GALNT17: variants seen among roughly 807,000 people sequenced by gnomAD.
GALNT17 encodes UDP-GalNAc:polypeptide N-acetylgalactosaminyltransferase-like 3.
A neutral mutation model predicts 63.7 loss-of-function variants in GALNT17; 29 were observed. The observed-to-expected ratio is 0.46, with a 90% confidence interval of 0.34 to 0.62. The LOEUF is 0.62. Among genes scored for constraint, GALNT17 ranks in the 20% least tolerant of loss-of-function variants. GALNT17 has a pLI of 0.01. For missense variants in GALNT17, 603 were observed against 799.6 expected, an observed-to-expected ratio of 0.75 and a Z score of 2.97; for synonymous variants, 305 against 318.3, an observed-to-expected ratio of 0.96 and a Z score of 0.45.
intron 5 of GALNT17, among the ~76,000 whole-genome samples, chr7:71,445,582 A>C (rs1787147750): frequency 6.6e-6 from 1 of 152,166 alleles, no homozygotes; most frequent in African/African-American, 2.4e-5. Flanking sequence ...CTGGTTCCAG[A>C]CAACTAGGTA....
chr7:71,358,529 G>A (rs1792334942), intron 2 of GALNT17, among the ~76,000 whole-genome samples: 1 of 152,202 alleles, frequency 6.6e-6, no homozygotes, highest in South Asian at 2.1e-4. Context: ...ACTCTTAGCA[G>A]CAGCTTCCCA....
At chr7:71,159,804 T>C (rs914570920) in intron 1 of GALNT17, among the ~76,000 whole-genome samples, 2 of 151,048 alleles carry the variant, frequency 1.3e-5, no homozygotes, top group East Asian at 1.9e-4. Flanking sequence ...TTTTTTGAGA[T>C]GGAGTCTCAC....
chr7:71,356,098 C>G (rs911365762), intron 2 of GALNT17, among the ~76,000 whole-genome samples: 5 of 152,106 alleles, frequency 3.3e-5, no homozygotes, highest in Admixed American at 2.6e-4. Flanking sequence ...CTGCCTCAGC[C>G]TCTGAGTAGC....
intron 1 of GALNT17, among the ~76,000 whole-genome samples, chr7:71,199,627 C>T (rs1789126635): frequency 1.4e-5 from 2 of 144,244 alleles, no homozygotes; most frequent in South Asian, 2.3e-4. Flanking sequence ...CGCCCACCCA[C>T]TCACCCCATC....
At chr7:71,389,743 T>C (rs973769832) in intron 3 of GALNT17, among the ~76,000 whole-genome samples, 3 of 152,080 alleles carry the variant, frequency 2.0e-5, no homozygotes, top group African/African-American at 7.2e-5. Flanking sequence ...AATAAAAAAT[T>C]CCATCCCGTG....
At chr7:71,569,205 T>G (rs903404655) in intron 5 of GALNT17, among the ~76,000 whole-genome samples, 2 of 152,100 alleles carry the variant, frequency 1.3e-5, no homozygotes, top group African/African-American at 4.8e-5. Context: ...CTCCTGACCT[T>G]GTGATCCCCC....
intron 9 of GALNT17, among the ~76,000 whole-genome samples, chr7:71,689,903 T>G (rs919871415): frequency 2.6e-5 from 4 of 152,198 alleles, no homozygotes; most frequent in African/African-American, 9.6e-5. Context: ...ATTTACCATT[T>G]TGAAGATCCT....
At chr7:71,245,669 G>A (rs910609761) in intron 1 of GALNT17, among the ~76,000 whole-genome samples, 1 of 152,116 alleles carries the variant, frequency 6.6e-6, no homozygotes, top group Non-Finnish European at 1.5e-5. Context: ...TCTCTTTAAT[G>A]GGCAAAGGCT....
intron 2 of GALNT17, among the ~76,000 whole-genome samples, chr7:71,371,842 C>T (rs888208985): frequency 6.6e-6 from 1 of 152,214 alleles, no homozygotes; most frequent in African/African-American, 2.4e-5. Context: ...GAATGATTCT[C>T]TCCTTGCTTT....
chr7:71,204,418 TC>T (rs1422936362), intron 1 of GALNT17, among the ~76,000 whole-genome samples: 1 of 152,208 alleles, frequency 6.6e-6, no homozygotes, highest in Non-Finnish European at 1.5e-5. Flanking sequence ...GATCAATTTT[TC>T]TTTTATTTTT....
chr7:71,484,708 A>T (rs931109381), intron 5 of GALNT17, among the ~76,000 whole-genome samples: 3 of 150,490 alleles, frequency 2.0e-5, no homozygotes, highest in African/African-American at 7.4e-5. Flanking sequence ...AAACTTCATT[A>T]TGTGGTGCAT....
At chr7:71,320,213 C>T (rs1482916087) in intron 1 of GALNT17, among the ~76,000 whole-genome samples, 1 of 152,000 alleles carries the variant, frequency 6.6e-6, no homozygotes, top group Admixed American at 6.6e-5. Context: ...ATTTGCTGAA[C>T]AAAAATGTAA....
intron 5 of GALNT17, among the ~76,000 whole-genome samples, chr7:71,479,404 G>GA (rs1352653378): frequency 2.6e-5 from 4 of 152,192 alleles, no homozygotes; most frequent in African/African-American, 4.8e-5. Context: ...ATAAGCTTCA[G>GA]AAAAGAGGCT....
chr7:71,317,568 T>C (rs1791523383), intron 1 of GALNT17, among the ~76,000 whole-genome samples: 1 of 152,122 alleles, frequency 6.6e-6, no homozygotes, highest in Non-Finnish European at 1.5e-5. Context: ...TGGGGCAGGC[T>C]GCTCTGGGGG....
intron 1 of GALNT17, among the ~76,000 whole-genome samples, chr7:71,269,249 G>T (rs899254198): frequency 1.3e-5 from 2 of 152,206 alleles, no homozygotes; most frequent in East Asian, 1.9e-4. Context: ...AGGATCACTT[G>T]AGGCCAGGGG....
intron 5 of GALNT17, among the ~76,000 whole-genome samples, chr7:71,496,238 G>A (rs897185498): frequency 6.6e-6 from 1 of 152,128 alleles, no homozygotes; most frequent in African/African-American, 2.4e-5. Context: ...GGAGGCCGGG[G>A]GATCAAGGGA....
intron 1 of GALNT17, among the ~76,000 whole-genome samples, chr7:71,210,798 G>A (rs1223558981): frequency 6.6e-6 from 1 of 152,156 alleles, no homozygotes; most frequent in Admixed American, 6.6e-5. Flanking sequence ...CGTTTGCTTA[G>A]GAGCATTGTT....
intron 1 of GALNT17, among the ~76,000 whole-genome samples, chr7:71,294,676 A>G (rs2115839975): frequency 6.6e-6 from 1 of 152,162 alleles, no homozygotes; most frequent in Non-Finnish European, 1.5e-5. Flanking sequence ...TGGCCTCCCA[A>G]ACTGCTGGGA....
At chr7:71,580,110 A>G (rs1465432732) in intron 6 of GALNT17, among the ~76,000 whole-genome samples, 1 of 152,154 alleles carries the variant, frequency 6.6e-6, no homozygotes. Context: ...TTGATAGATT[A>G]TAGATTAGAT....
Sources: gnomAD v4.1 joint callset for allele counts (sites outside exome capture counted in the v4.1 genomes callset) on GRCh38, gnomAD v4.1.1 for gene constraint, MANE v1.5 for transcripts, NCBI Gene and HGNC (gene_info 2026-07-23, HGNC 2026-07-21) for gene names.